DARS1: variants seen among roughly 807,000 people sequenced by gnomAD.
DARS1 encodes aspartate--tRNA ligase, cytoplasmic.
Under a neutral mutation model 68.8 loss-of-function variants are expected in DARS1, and 51 were observed. The observed-to-expected ratio is 0.74, with a 90% CI of 0.59 to 0.94. DARS1 has a LOEUF of 0.94. Among genes scored for constraint, DARS1 ranks in the 40% least tolerant of loss-of-function variants. The pLI, the probability that DARS1 is intolerant of heterozygous loss-of-function variation, is 0.00. For synonymous variants in DARS1, 203 were observed against 190.4 expected, an observed-to-expected ratio of 1.07 and a Z score of -0.55; for missense variants, 607 against 597.3, an observed-to-expected ratio of 1.02 and a Z score of -0.17.
chr2:135,972,441 A>G (rs1682393191), intron 3 of DARS1, among the ~76,000 whole-genome samples: 1 of 152,242 alleles, frequency 6.6e-6, no homozygotes, highest in Non-Finnish European at 1.5e-5. Flanking sequence ...AATGAATTGA[A>G]GACTTAAATC....
intron 2 of DARS1, among the ~76,000 whole-genome samples, chr2:135,980,008 G>T (rs1377074743): frequency 6.6e-6 from 1 of 152,158 alleles, no homozygotes; most frequent in Non-Finnish European, 1.5e-5. Context: ...TGCTATGTTT[G>T]CAGGATTCGA....
chr2:135,919,819 T>C (rs1385657285), intron 10 of DARS1, among the ~76,000 whole-genome samples: 1 of 152,254 alleles, frequency 6.6e-6, no homozygotes, highest in African/African-American at 2.4e-5. Flanking sequence ...TTCAGTCTAC[T>C]AGTTTCTAAT....
chr2:135,982,651 G>A (rs528974952), intron 2 of DARS1, among the ~76,000 whole-genome samples: 17 of 151,858 alleles, frequency 1.1e-4, no homozygotes, highest in East Asian at 3.9e-4. Context: ...AAAAAAGAGC[G>A]GTTATAAGAA....
Position 135,920,583 on chromosome 2 carries a change from AGT to A in DARS1, c.827_828del (p.Asp276ValfsTer2). 1 of 1,610,526 alleles carries A rather than the reference AGT, an allele frequency of 6.2e-7. No homozygotes were observed. Among genetic ancestry groups the A allele is most frequent in the Non-Finnish European group, 8.5e-7 (1 of 1,178,956 alleles). ...TCAGTTAGATGTCTATGGGTATTAG[AGT>A]CTTCCGCTCTGAATACTGTGAAGTT... ...FSIGPVFRAE[D>X]SNTHRHLTEF... On this transcript the variant is annotated frameshift_variant, in exon 10 of 16. Transcript: ENST00000264161. LOFTEE classifies it high-confidence loss of function.
intron 4 of DARS1, among the ~76,000 whole-genome samples, chr2:135,945,049 C>T (rs1263044336): frequency 6.6e-6 from 1 of 152,178 alleles, no homozygotes; most frequent in African/African-American, 2.4e-5. Flanking sequence ...AACTTTGACT[C>T]CTATTAGAAG....
At chr2:135,955,022 T>C (rs142172626) in intron 4 of DARS1, among the ~76,000 whole-genome samples, 2 of 152,188 alleles carry the variant, frequency 1.3e-5, no homozygotes, top group African/African-American at 2.4e-5. Flanking sequence ...TGTATTCTGA[T>C]TGTCTTGTTA....
chr2:135,972,469 A>C (rs1397594502), intron 3 of DARS1, among the ~76,000 whole-genome samples: 2 of 152,208 alleles, frequency 1.3e-5, no homozygotes, highest in East Asian at 1.9e-4. Flanking sequence ...TTGAACTATA[A>C]TACTACAAGA....
At position 135,906,008 on chromosome 2, in the gene DARS1, T is replaced by A. The variant is rs1236421908; in HGVS notation, c.*1308A>T. Among the ~76,000 whole-genome samples, 1 of 152,216 alleles carries A rather than the reference T, an allele frequency of 6.6e-6. No individual in the cohort carries two copies. The highest frequency in any genetic ancestry group is 1.5e-5 in the Non-Finnish European group (1 of 68,038). The stretch of plus-strand genomic sequence containing the variant: ...ACACTATAGAAGATGGATATTTTAT[T>A]CTTGCTGTGGATTAAATTATGAAAT... On this transcript the variant is annotated 3_prime_UTR_variant, in exon 16 of 16. Coordinates refer to ENST00000264161, the MANE Select transcript of DARS1 (RefSeq NM_001349.4).
In DARS1 at chr2:135,938,893, A is replaced by C. The variant is rs1219527978; in HGVS notation, c.423+4485T>G. On this transcript the variant is annotated intron_variant, in intron 5 of 15. Transcript: ENST00000264161. ...CTGATAAAACAGACTTTAAGCCAAC[A>C]AAGATCAAAAGAGACAAAGAAGGCC... 3.3e-5 allele frequency among the ~76,000 whole-genome samples: 5 copies of C among 152,326 alleles called. No homozygotes were observed. In the East Asian group the frequency reaches 9.6e-4, roughly 29 times the overall value.
At chr2:135,974,133 G>A (rs1682446440) in intron 3 of DARS1, among the ~76,000 whole-genome samples, 1 of 152,194 alleles carries the variant, frequency 6.6e-6, no homozygotes, top group Non-Finnish European at 1.5e-5. Context: ...GACTGTGAAA[G>A]GGACGCTTAT....
At position 135,983,245 on chromosome 2, in the gene DARS1, A is replaced by G. The variant is rs562624508; in HGVS notation, c.124+152T>C. The G allele has an allele frequency of 5.3e-5, 29 of 549,338 alleles. No homozygotes were observed. In the East Asian group the frequency reaches 9.5e-4, roughly 18 times the overall value. The allele number at this position is 549,338 out of a possible 1,614,324, so 34.0% of individuals were successfully genotyped here. On this transcript the variant is annotated intron_variant, in intron 2 of 15. Transcript: ENST00000264161. ...AACCCTAAACTGACAATGTTTACAC[A>G]GGGTTATGACATCTACTTGGATTAT...
At position 135,983,543 on chromosome 2, in the gene DARS1, T is replaced by C. The variant is rs1423347570; in HGVS notation, c.67-89A>G. 7 of 582,362 alleles carry C rather than the reference T, an allele frequency of 1.2e-5. No individual in the cohort carries two copies. In the Admixed American group the frequency reaches 1.8e-4, roughly 15 times the overall value. The allele number at this position is 582,362 out of a possible 1,614,324, so 36.1% of individuals were successfully genotyped here. On this transcript the variant is annotated intron_variant, in intron 1 of 15. Transcript: ENST00000264161. ...AAATACTAATAATAGAATATAAAAATGAATTTAACTTTCAGGATCATTTTA... is the reference window on the plus strand; with the variant it reads ...AAATACTAATAATAGAATATAAAAACGAATTTAACTTTCAGGATCATTTTA...
At position 135,965,752 on chromosome 2, in the gene DARS1, A is replaced by C. The variant is rs145986824; in HGVS notation, c.218-4254T>G. The stretch of plus-strand genomic sequence containing the variant: ...TTAGAATATATGTTAAGGAAATTGA[A>C]ACAGAACTACTTGTGACTAATGCTA... On this transcript the variant is annotated intron_variant, in intron 3 of 15. Coordinates refer to ENST00000264161, the MANE Select transcript of DARS1 (RefSeq NM_001349.4). 2.5e-4 allele frequency among the ~76,000 whole-genome samples: 38 copies of C among 152,336 alleles called. No individual in the cohort carries two copies. The East Asian group carries it at 6.6e-3, about 26-fold the overall frequency.
At chr2:135,982,034 T>C (rs889146287) in intron 2 of DARS1, among the ~76,000 whole-genome samples, 4 of 152,182 alleles carry the variant, frequency 2.6e-5, no homozygotes, top group African/African-American at 9.7e-5. Context: ...TAGAGGTGTT[T>C]TATTTCCAAA....
intron 7 of DARS1, among the ~76,000 whole-genome samples, chr2:135,931,541 A>G (rs1385875501): frequency 1.3e-5 from 2 of 152,210 alleles, no homozygotes; most frequent in Admixed American, 6.5e-5. Context: ...CCAAACCAAG[A>G]CAGTAGTTTA....
At chr2:135,937,426 A>C (rs1558785826) in intron 5 of DARS1, among the ~76,000 whole-genome samples, 3 of 152,132 alleles carry the variant, frequency 2.0e-5, no homozygotes, top group Non-Finnish European at 4.4e-5. Flanking sequence ...AAAAAAAGGA[A>C]GCTACTGTTG....
chr2:135,966,153 T>C (rs1459445873), intron 3 of DARS1, among the ~76,000 whole-genome samples: 2 of 151,740 alleles, frequency 1.3e-5, no homozygotes, highest in African/African-American at 4.9e-5. Context: ...GTATATTTTG[T>C]CTGTCTGTAA....
At chr2:135,965,371 C>G (rs138023264) in intron 3 of DARS1, among the ~76,000 whole-genome samples, 1 of 151,910 alleles carries the variant, frequency 6.6e-6, no homozygotes, top group Non-Finnish European at 1.5e-5. Context: ...GAGAAAAGAA[C>G]ACTGAGATCC....
chr2:135,973,900 A>G (rs1001023415), intron 3 of DARS1, among the ~76,000 whole-genome samples: 5 of 152,136 alleles, frequency 3.3e-5, no homozygotes, highest in Non-Finnish European at 7.3e-5. Context: ...TTAAAAGAAT[A>G]TAACTGGATT....
Sources: gnomAD v4.1 joint callset for allele counts (sites outside exome capture counted in the v4.1 genomes callset) on GRCh38, gnomAD v4.1.1 for gene constraint, MANE v1.5 for transcripts, NCBI Gene and HGNC (gene_info 2026-07-23, HGNC 2026-07-21) for gene names.